Variants in BCL9 observed in about 807,000 individuals in gnomAD.
BCL9 encodes B-cell CLL/lymphoma 9 protein.
BCL9 carries 25 observed loss-of-function variants against 88.5 expected under a neutral mutation model. The observed-to-expected ratio is 0.28, with a 90% CI of 0.21 to 0.39. BCL9 has a LOEUF of 0.39. BCL9 is among the 10% of genes least tolerant of loss of function. BCL9 has a pLI of 1.00. For missense variants in BCL9, 1,817 were observed against 1,877.8 expected (o/e 0.97, Z 0.60); for synonymous variants, 711 against 673.3 (o/e 1.06, Z -0.87).
At position 147,575,346 on chromosome 1, in the gene BCL9, C is replaced by T. The variant is rs587728495; in HGVS notation, c.-477-29431C>T. ...TCCTTCATACACTTTAATATAATTT[C>T]ATTGTCTGCCTTTCCCACCAAACCA... is the stretch of plus-strand genomic sequence containing the variant. On this transcript the variant is annotated intron_variant, in intron 1 of 9. Coordinates refer to ENST00000234739, the MANE Select transcript of BCL9 (RefSeq NM_004326.4). Among the ~76,000 whole-genome samples, 9 of 152,308 alleles carry T rather than the reference C, an allele frequency of 5.9e-5. No individual in the cohort carries two copies. In the South Asian group the frequency reaches 1.9e-3, roughly 32 times the overall value.
At chr1:147,569,296 G>T (rs1655757419) in intron 1 of BCL9, among the ~76,000 whole-genome samples, 1 of 151,800 alleles carries the variant, frequency 6.6e-6, no homozygotes, top group Admixed American at 6.6e-5. Context: ...AAGGAAATGA[G>T]CAAGGGGCCA....
chr1:147,600,804 A>G (rs1657348719), intron 1 of BCL9, among the ~76,000 whole-genome samples: 2 of 151,974 alleles, frequency 1.3e-5, no homozygotes, highest in South Asian at 2.1e-4. Flanking sequence ...GGGAGGTGGA[A>G]GCTAGGAAGA....
chr1:147,565,063 C>G (rs1345753141), intron 1 of BCL9, among the ~76,000 whole-genome samples: 1 of 152,118 alleles, frequency 6.6e-6, no homozygotes, highest in Admixed American at 6.6e-5. Flanking sequence ...TAGTGGACAA[C>G]ACTGTTGTTG....
In BCL9 at chr1:147,624,072, C is replaced by G; in HGVS notation, c.3394C>G (p.Gln1132Glu). The G allele has an allele frequency of 1.2e-6, 2 of 1,612,568 alleles. No homozygotes were observed. Among genetic ancestry groups the G allele is most frequent in the Non-Finnish European group, 1.7e-6 (2 of 1,178,796 alleles). Residue 1132 changes from glutamine (Q) to glutamate (E), a missense_variant, in exon 10 of 10, where the codon CAA (glutamine) becomes GAA (glutamate). Gln to Glu is a conservative substitution (Grantham distance 29). This residue lies in a region of BCL9 where 589 missense variants were observed against 686.2 expected (regional missense o/e 0.86). Transcript: ENST00000234739. This position sits in a 1 kb window ranked among gnomAD's most constrained non-coding sequence, Gnocchi z 4.4. Reference sequence around the variant, plus strand: ...GTCCCAGGAGCCACCGATGGTACCTCAAGGACGGATGGGCTTCCCCCAGGG... The same window carrying G: ...GTCCCAGGAGCCACCGATGGTACCTGAAGGACGGATGGGCTTCCCCCAGGG... ...HGSQEPPMVP[Q>E]GRMGFPQGFP... is the part of the protein sequence containing the mutation.
At chr1:147,565,388 T>G (rs1655555832) in intron 1 of BCL9, among the ~76,000 whole-genome samples, 2 of 152,200 alleles carry the variant, frequency 1.3e-5, no homozygotes, top group African/African-American at 4.8e-5. Flanking sequence ...ACAGAAGTGC[T>G]AATACCTTCC....
intron 7 of BCL9, among the ~76,000 whole-genome samples, chr1:147,617,695 C>G (rs1553204053): frequency 1.3e-5 from 2 of 152,250 alleles, no homozygotes; most frequent in South Asian, 4.2e-4. Flanking sequence ...CATATTTGCA[C>G]ACAGGTAAAC....
intron 1 of BCL9, among the ~76,000 whole-genome samples, chr1:147,584,754 T>A (rs1007408504): frequency 1.3e-5 from 2 of 152,210 alleles, no homozygotes; most frequent in Non-Finnish European, 2.9e-5. Context: ...TTGGTCAATT[T>A]GTCAGGAATG....
intron 1 of BCL9, among the ~76,000 whole-genome samples, chr1:147,581,535 C>T (rs782662769): frequency 2.5e-4 from 38 of 152,116 alleles, no homozygotes; most frequent in African/African-American, 8.2e-4. Flanking sequence ...AAGTGTGAAC[C>T]GAAGGTTGTT....
At chr1:147,565,320 C>T (rs1299459194) in intron 1 of BCL9, among the ~76,000 whole-genome samples, 4 of 152,194 alleles carry the variant, frequency 2.6e-5, no homozygotes, top group Non-Finnish European at 5.9e-5. Context: ...ATTCCCACTA[C>T]TGATTCCACA....
chr1:147,580,271 A>T (rs1553198486), intron 1 of BCL9, among the ~76,000 whole-genome samples: 1 of 152,218 alleles, frequency 6.6e-6, no homozygotes, highest in East Asian at 1.9e-4. Flanking sequence ...ATATTTTCCC[A>T]TGTGGCAGGG....
intron 1 of BCL9, among the ~76,000 whole-genome samples, chr1:147,542,510 A>G (rs1553193907): frequency 6.6e-6 from 1 of 152,208 alleles, no homozygotes; most frequent in East Asian, 1.9e-4. Flanking sequence ...ATGCTGTGGA[A>G]TCACAGAGTA....
chr1:147,603,985 TTAAA>T (rs1324845113), intron 1 of BCL9, among the ~76,000 whole-genome samples: 4 of 152,334 alleles, frequency 2.6e-5, no homozygotes, highest in Admixed American at 1.3e-4. Context: ...TTATAACACA[TTAAA>T]TAATAAAATA....
At chr1:147,594,253 A>G (rs1432828104) in intron 1 of BCL9, among the ~76,000 whole-genome samples, 1 of 152,234 alleles carries the variant, frequency 6.6e-6, no homozygotes, top group Non-Finnish European at 1.5e-5. Flanking sequence ...AGGAATATCT[A>G]TTGCAACGGT....
rs587634671 is a variant in BCL9, at chr1:147,562,119, G to A, written c.-478+20445G>A. On this transcript the variant is annotated intron_variant, in intron 1 of 9. Coordinates refer to ENST00000234739, the MANE Select transcript of BCL9 (RefSeq NM_004326.4). ...CGAGGCGGGCGGATCACCTGAGGTC[G>A]GGAGTTCAAGACCAGCCTGACCAAC... 2.2e-3 allele frequency among the ~76,000 whole-genome samples: 340 copies of A among 152,010 alleles called. 3 individuals are homozygous for A. Among genetic ancestry groups the A allele is most frequent in the African/African-American group, 7.8e-3 (324 of 41,452 alleles).
intron 1 of BCL9, chr1:147,600,246 GC>G: frequency 6.2e-6 from 1 of 162,078 alleles, no homozygotes; most frequent in Non-Finnish European, 1.3e-5. Flanking sequence ...GCTGCCGCTG[GC>G]CCCGGCCCCG....
chr1:147,619,697 C>T lies in BCL9; in HGVS notation c.1542C>T (p.Pro514=), dbSNP rs199517580. 84 of 1,613,880 alleles carry T rather than the reference C, an allele frequency of 5.2e-5. No individual in the cohort carries two copies. The highest frequency in any genetic ancestry group is 6.6e-5 in the Non-Finnish European group (78 of 1,180,024). The change falls in exon 8 of 10, where the codon CCC becomes CCT. Residue 514 remains proline, a synonymous_variant. Coordinates refer to ENST00000234739, the MANE Select transcript of BCL9 (RefSeq NM_004326.4). This position sits in a 1 kb window ranked among gnomAD's most constrained non-coding sequence, Gnocchi z 4.1. The part of the protein sequence containing the change: ...QHGPRGVVRG[P]PPPYQMTPSE... ...GGCCTCGGGGAGTGGTCCGAGGACC[C>T]CCCCCTCCATACCAGATGACCCCTA...
chr1:147,604,235 TTTTCCCGTCCCCC>T (rs1657539406), intron 1 of BCL9, among the ~76,000 whole-genome samples: 1 of 152,138 alleles, frequency 6.6e-6, no homozygotes, highest in African/African-American at 2.4e-5. Flanking sequence ...TTCACAAACA[TTTTCCCGTCCCCC>T]AGGTCTATCC....
intron 1 of BCL9, among the ~76,000 whole-genome samples, chr1:147,602,625 A>G (rs1440832924): frequency 1.3e-5 from 2 of 152,234 alleles, no homozygotes; most frequent in African/African-American, 4.8e-5. Context: ...CATTTTGTTA[A>G]TAACCATGTT....
rs191131417 is a variant in BCL9, at chr1:147,612,947, C to A, written c.118C>A (p.Pro40Thr). Residue 40 changes from proline (P) to threonine (T), a missense_variant, in exon 5 of 10, where the codon CCC becomes ACC. Coordinates refer to ENST00000234739, the MANE Select transcript of BCL9 (RefSeq NM_004326.4). ...TACAGTGATGTCCCCATCTGGAAAC[C>A]CCCAGCTGGATTCCAAATTCTCCAA... ...PPTVMSPSGN[P>T]QLDSKFSNQG... 14 of 1,613,802 alleles carry A rather than the reference C, an allele frequency of 8.7e-6. No individual in the cohort carries two copies. In the African/African-American group the frequency reaches 1.6e-4, roughly 18 times the overall value.
Sources: gnomAD v4.1 joint callset for allele counts (sites outside exome capture counted in the v4.1 genomes callset) on GRCh38, gnomAD v4.1.1 for gene constraint, gnomAD v4.1.1 regional missense constraint, Gnocchi (gnomAD v3.1) non-coding constraint, MANE v1.5 for transcripts, NCBI Gene and HGNC (gene_info 2026-07-23, HGNC 2026-07-21) for gene names.